Variants in TENM3 observed in about 807,000 individuals in gnomAD.
TENM3 encodes the protein teneurin transmembrane protein 3, also known as teneurin-3.
In TENM3, 63 loss-of-function variants were observed where a neutral mutation model predicts 255.1. The observed-to-expected ratio is 0.25, with a 90% CI of 0.20 to 0.30. TENM3 has a LOEUF of 0.30. Among genes scored for constraint, TENM3 ranks in the 10% least tolerant of loss-of-function variants. TENM3 has a pLI of 1.00. For missense variants in TENM3, 2,929 were observed against 3,461.1 expected, an observed-to-expected ratio of 0.85 and a Z score of 3.86; for synonymous variants, 1,306 against 1,322.3, an observed-to-expected ratio of 0.99 and a Z score of 0.27.
the TENM3 span, among the ~76,000 whole-genome samples, chr4:181,934,739 T>C: frequency 6.6e-6 from 1 of 152,198 alleles, no homozygotes; most frequent in Non-Finnish European, 1.5e-5. Context: ...TGGTGTCTAA[T>C]GGCATAAGAT....
intron 1 of TENM3, among the ~76,000 whole-genome samples, chr4:182,267,141 T>A (rs1440691945): frequency 6.6e-6 from 1 of 152,198 alleles, no homozygotes; most frequent in East Asian, 1.9e-4. Flanking sequence ...TCTTTTTAAC[T>A]TTGCTTGAAA....
In TENM3 at chr4:182,799,466, T is replaced by C; in HGVS notation, c.7345-130T>C. ...GCTCCCTCCACCCGGGCTGTCAGCC[T>C]TCTGGTCAGGGAAGGACCCCGGGGC... On this transcript the variant is annotated intron_variant, in intron 27 of 27. Coordinates refer to ENST00000511685, the MANE Select transcript of TENM3 (RefSeq NM_001080477.4). The surrounding 1 kb of genome is among the most constrained non-coding windows in gnomAD (Gnocchi z 4.2). 3.3e-6 allele frequency: 4 copies of C among 1,229,372 alleles called. No individual in the cohort carries two copies. In the South Asian group the frequency reaches 6.4e-5, roughly 20 times the overall value. 76.2% of individuals were successfully genotyped at this position (1,229,372 alleles called of 1,614,324 possible).
chr4:181,626,061 G>A, the TENM3 span, among the ~76,000 whole-genome samples: 9 of 152,096 alleles, frequency 5.9e-5, no homozygotes, highest in African/African-American at 1.9e-4. Context: ...TAGAGAAATA[G>A]GAAGCCAAAG....
intron 3 of TENM3, among the ~76,000 whole-genome samples, chr4:182,378,601 T>A (rs1472280501): frequency 1.3e-5 from 2 of 152,010 alleles, no homozygotes; most frequent in Non-Finnish European, 2.9e-5. Flanking sequence ...CAAGAGCTAA[T>A]GGGAGCGCTG....
chr4:181,619,345 T>C, the TENM3 span, among the ~76,000 whole-genome samples: 1 of 152,176 alleles, frequency 6.6e-6, no homozygotes, highest in Non-Finnish European at 1.5e-5. Context: ...CTCACATATA[T>C]AAATAATCCA....
chr4:181,584,419 A>G, the TENM3 span, among the ~76,000 whole-genome samples: 1 of 152,170 alleles, frequency 6.6e-6, no homozygotes, highest in African/African-American at 2.4e-5. Flanking sequence ...CTTCTTCTGT[A>G]TTCCTTAATC....
intron 4 of TENM3, 106 bp from the exon 5 acceptor site, chr4:182,628,545 A>G (rs897308503): frequency 5.7e-6 from 4 of 703,838 alleles, no homozygotes; most frequent in South Asian, 1.9e-5. Flanking sequence ...TCTTTTAAAA[A>G]AGAGAGAGAG....
the TENM3 span, chr4:181,905,651 A>G: frequency 0.11 from 13,341 of 118,422 alleles, 674 homozygotes; most frequent in East Asian, 0.26. Flanking sequence ...TTTACATATG[A>G]TACACTATTT....
intron 5 of TENM3, among the ~76,000 whole-genome samples, chr4:182,635,424 G>T (rs770676150): frequency 6.6e-6 from 1 of 152,172 alleles, no homozygotes; most frequent in African/African-American, 2.4e-5. Flanking sequence ...ACAGTCACTC[G>T]CTGTTACCTC....
chr4:181,796,531 A>C, the TENM3 span, among the ~76,000 whole-genome samples: 18 of 152,310 alleles, frequency 1.2e-4, no homozygotes, highest in African/African-American at 4.1e-4. Flanking sequence ...CGCAGCACAG[A>C]TGGCCAGGGT....
chr4:182,382,145 C>A (rs182460556), intron 3 of TENM3, among the ~76,000 whole-genome samples: 2 of 152,134 alleles, frequency 1.3e-5, no homozygotes, highest in Non-Finnish European at 2.9e-5. Context: ...AGGATGTTAT[C>A]GCTAAAGATA....
chr4:182,221,864 G>GC (rs1188892108), intron 1 of TENM3, among the ~76,000 whole-genome samples: 1 of 152,074 alleles, frequency 6.6e-6, no homozygotes, highest in Non-Finnish European at 1.5e-5. Flanking sequence ...AATACCTTTT[G>GC]CATTTTAAGC....
chr4:182,316,370 T>C (rs1364979005), intron 1 of TENM3, among the ~76,000 whole-genome samples: 2 of 152,112 alleles, frequency 1.3e-5, no homozygotes, highest in Non-Finnish European at 2.9e-5. Flanking sequence ...TTTTTTTTTT[T>C]CCCAATCTGG....
In TENM3 at chr4:182,592,353, A is replaced by C. The variant is rs961660667; in HGVS notation, c.512-8571A>C. On this transcript the variant is annotated intron_variant, in intron 3 of 27. Coordinates refer to ENST00000511685, the MANE Select transcript of TENM3 (RefSeq NM_001080477.4). ...CACCAAGGATTAGATTGGTATTTTC[A>C]AAATCAAAAACCAACTCTCGTTTTG... Among the ~76,000 whole-genome samples, 7 of 152,330 alleles carry C rather than the reference A, an allele frequency of 4.6e-5. No individual in the cohort carries two copies. In the East Asian group the frequency reaches 1.4e-3, roughly 29 times the overall value.
the TENM3 span, among the ~76,000 whole-genome samples, chr4:182,101,179 GAAA>G: frequency 2.0e-4 from 4 of 20,302 alleles, no homozygotes; most frequent in East Asian, 3.2e-3. Flanking sequence ...AGGGAGGAAG[GAAA>G]GAAGGGAGGG....
At chr4:182,226,427 A>G (rs897622903) in intron 1 of TENM3, among the ~76,000 whole-genome samples, 3 of 152,232 alleles carry the variant, frequency 2.0e-5, no homozygotes, top group African/African-American at 7.2e-5. Context: ...TTCTATTTCA[A>G]CAATGCCCAA....
intron 1 of TENM3, among the ~76,000 whole-genome samples, chr4:182,160,951 C>T (rs1372382718): frequency 6.6e-6 from 1 of 152,064 alleles, no homozygotes; most frequent in Non-Finnish European, 1.5e-5. Context: ...GATATATACA[C>T]TTGTCAATTA....
the TENM3 span, among the ~76,000 whole-genome samples, chr4:181,500,481 A>G: frequency 6.6e-6 from 1 of 152,174 alleles, no homozygotes; most frequent in Non-Finnish European, 1.5e-5. Context: ...AAAAGACTGC[A>G]AATCTGGAGA....
intron 3 of TENM3, among the ~76,000 whole-genome samples, chr4:182,421,948 GC>G (rs1188790355): frequency 6.6e-6 from 1 of 152,136 alleles, no homozygotes; most frequent in African/African-American, 2.4e-5. Context: ...GGCCAGCTTT[GC>G]AACTTGGCTT....
Sources: gnomAD v4.1 joint callset for allele counts (sites outside exome capture counted in the v4.1 genomes callset) on GRCh38, gnomAD v4.1.1 for gene constraint, Gnocchi (gnomAD v3.1) non-coding constraint, MANE v1.5 for transcripts, NCBI Gene and HGNC (gene_info 2026-07-23, HGNC 2026-07-21) for gene names.